ANKS1B: variants seen among roughly 807,000 people sequenced by gnomAD.
ANKS1B encodes ankyrin repeat and sterile alpha motif domain-containing protein 1B.
In ANKS1B, 36 loss-of-function variants were observed where a neutral mutation model predicts 148.3. That is an observed-to-expected ratio of 0.24 (90% CI 0.19 to 0.32). ANKS1B has a LOEUF of 0.32. ANKS1B is among the 10% of genes least tolerant of loss of function. The pLI is 1.00. For synonymous variants in ANKS1B, 542 were observed against 560.8 expected (o/e 0.97, Z 0.47); for missense variants, 1,157 against 1,542.6 (o/e 0.75, Z 4.19).
intron 10 of ANKS1B, among the ~76,000 whole-genome samples, chr12:99,490,964 C>T (rs12311258): frequency 6.6e-6 from 1 of 152,030 alleles, no homozygotes; most frequent in Non-Finnish European, 1.5e-5. Flanking sequence ...AACTATTTCC[C>T]AATTAATGTT....
chr12:99,556,776 T>C (rs2097281305), intron 9 of ANKS1B, among the ~76,000 whole-genome samples: 1 of 152,168 alleles, frequency 6.6e-6, no homozygotes, highest in South Asian at 2.1e-4. Context: ...TTAGTATTGG[T>C]TTCTATTTTT....
At chr12:99,481,557 G>A (rs1166858296) in intron 10 of ANKS1B, among the ~76,000 whole-genome samples, 1 of 151,860 alleles carries the variant, frequency 6.6e-6, no homozygotes, top group Non-Finnish European at 1.5e-5. Context: ...GGTAGACCTA[G>A]TAGTAGGATT....
intron 6 of ANKS1B, 124 bp downstream of exon 6, chr12:99,779,747 A>G: frequency 1.4e-6 from 1 of 700,622 alleles, no homozygotes; most frequent in Admixed American, 3.0e-5. Context: ...GTCTACCAGA[A>G]AAAAATAAAA....
chr12:99,504,539 C>A lies in ANKS1B; in HGVS notation c.1375G>T (p.Asp459Tyr). 6.2e-7 allele frequency: 1 copy of A among 1,612,810 alleles called. No homozygotes were observed. The highest frequency in any genetic ancestry group is 8.5e-7 in the Non-Finnish European group (1 of 1,179,424). ...ENENFLCDLM[D>Y]TAVTKKPCSL... ...CAAGGTTTCTTTGTAACAGCTGTGT[C>A]CATGAGATCACACAGAAAGTTCTCA... is the stretch of plus-strand genomic sequence containing the variant. Residue 459 changes from aspartate to tyrosine, a missense_variant, in exon 10 of 27, where the codon GAC becomes TAC. Around this residue, in one of 6 missense-constraint regions of ANKS1B, gnomAD observed 661 missense variants for 642.1 expected, o/e 1.03. Transcript: ENST00000683438.
At chr12:99,870,049 G>A (rs2091300580) in intron 1 of ANKS1B, among the ~76,000 whole-genome samples, 1 of 152,082 alleles carries the variant, frequency 6.6e-6, no homozygotes, top group Non-Finnish European at 1.5e-5. Context: ...TATCACTCAG[G>A]TAGTGAGCAT....
intron 9 of ANKS1B, among the ~76,000 whole-genome samples, chr12:99,508,547 T>A (rs989114939): frequency 6.6e-6 from 1 of 151,530 alleles, no homozygotes; most frequent in Non-Finnish European, 1.5e-5. Context: ...TTTCCTAATC[T>A]GTTATTTACC....
chr12:99,469,990 A>G (rs1208712464), intron 10 of ANKS1B, among the ~76,000 whole-genome samples: 1 of 151,862 alleles, frequency 6.6e-6, no homozygotes, highest in African/African-American at 2.4e-5. Flanking sequence ...TTGGTGGTAC[A>G]GGCCTACAGT....
At chr12:99,353,304 T>C (rs1023169251) in intron 12 of ANKS1B, among the ~76,000 whole-genome samples, 1 of 152,050 alleles carries the variant, frequency 6.6e-6, no homozygotes, top group East Asian at 1.9e-4. Flanking sequence ...ACCAATCTTA[T>C]AAATTTATGA....
chr12:99,583,438 G>T (rs1056373589), intron 9 of ANKS1B, among the ~76,000 whole-genome samples: 1 of 152,172 alleles, frequency 6.6e-6, no homozygotes, highest in African/African-American at 2.4e-5. Context: ...GCATAATGCA[G>T]TGGCTATAAA....
intron 1 of ANKS1B, among the ~76,000 whole-genome samples, chr12:99,902,590 G>C (rs1052159249): frequency 6.6e-6 from 1 of 152,108 alleles, no homozygotes; most frequent in Admixed American, 6.6e-5. Flanking sequence ...GATGGAAGAG[G>C]GAAAGAAGGA....
chr12:98,904,702 G>C (rs1349967932), intron 17 of ANKS1B, among the ~76,000 whole-genome samples: 1 of 152,212 alleles, frequency 6.6e-6, no homozygotes, highest in South Asian at 2.1e-4. Flanking sequence ...CAGGGGATGG[G>C]AGTCTGACCG....
intron 24 of ANKS1B, among the ~76,000 whole-genome samples, chr12:98,780,664 C>A (rs2098725569): frequency 6.6e-6 from 1 of 152,058 alleles, no homozygotes; most frequent in Non-Finnish European, 1.5e-5. Flanking sequence ...ACAGAAAAGA[C>A]ACATATATAT....
At chr12:99,648,410 G>T in intron 9 of ANKS1B, 1 of 1,614,144 alleles carries the variant, frequency 6.2e-7, no homozygotes, top group Non-Finnish European at 8.5e-7. Flanking sequence ...ACCAGCCCCT[G>T]CCTCACACTA....
At chr12:98,819,321 G>A (rs1370468394) in intron 19 of ANKS1B, among the ~76,000 whole-genome samples, 4 of 152,200 alleles carry the variant, frequency 2.6e-5, no homozygotes, top group African/African-American at 7.2e-5. Flanking sequence ...ATGTTGATCT[G>A]CCCAGAGCTG....
intron 14 of ANKS1B, among the ~76,000 whole-genome samples, chr12:99,189,807 T>G (rs888743100): frequency 6.6e-6 from 1 of 152,098 alleles, no homozygotes; most frequent in Non-Finnish European, 1.5e-5. Context: ...CTCTCACCAC[T>G]CCTATTCAAC....
chr12:99,793,030 G>C (rs2153646650), intron 4 of ANKS1B, among the ~76,000 whole-genome samples: 1 of 151,902 alleles, frequency 6.6e-6, no homozygotes, highest in South Asian at 2.1e-4. Context: ...ACAAAAATCA[G>C]CAGCATTTCT....
At chr12:99,224,039 A>G (rs1365986825) in intron 14 of ANKS1B, among the ~76,000 whole-genome samples, 1 of 152,220 alleles carries the variant, frequency 6.6e-6, no homozygotes, top group Non-Finnish European at 1.5e-5. Flanking sequence ...ATATAAAAAT[A>G]AACTAGAAAA....
In ANKS1B at chr12:99,289,964, C is replaced by T. The variant is rs187627698; in HGVS notation, c.1757-43100G>A. On this transcript the variant is annotated intron_variant, in intron 12 of 26. Coordinates refer to ENST00000683438, the MANE Select transcript of ANKS1B (RefSeq NM_001352186.2). ...ATAACAGAAACAGAAAAGAATAATA[C>T]AAAACGTCAATGAAATGAAAAGTTG... is the stretch of plus-strand genomic sequence containing the variant. Among the ~76,000 whole-genome samples the T allele has an allele frequency of 4.0e-5, 6 of 150,922 alleles. No individual in the cohort carries two copies. In the East Asian group the frequency reaches 7.8e-4, roughly 20 times the overall value.
At chr12:99,195,850 T>G (rs550625061) in intron 14 of ANKS1B, among the ~76,000 whole-genome samples, 8 of 152,048 alleles carry the variant, frequency 5.3e-5, no homozygotes, top group Admixed American at 5.2e-4. Context: ...AGTAGAATTA[T>G]CGAGCATTTA....
Sources: allele counts gnomAD v4.1 joint callset (sites outside exome capture counted in the v4.1 genomes callset), GRCh38; gene constraint gnomAD v4.1.1; regional missense constraint gnomAD v4.1.1; transcripts MANE v1.5; gene names NCBI Gene and HGNC (gene_info 2026-07-23, HGNC 2026-07-21).